The following TM9SF2 variants were observed in gnomAD, a reference collection of about 807,000 sequenced individuals.
TM9SF2 encodes the protein 76 kDa membrane protein.
A neutral mutation model predicts 84.9 loss-of-function variants in TM9SF2; 13 were observed. That is an observed-to-expected ratio of 0.15 (90% CI 0.10 to 0.24). The LOEUF (loss-of-function observed/expected upper bound fraction) is 0.24, where lower values mean the gene tolerates loss of function less well. Among genes scored for constraint, TM9SF2 ranks in the 10% least tolerant of loss-of-function variants. TM9SF2 has a pLI of 1.00. For missense variants in TM9SF2, 562 were observed against 818.5 expected, an observed-to-expected ratio of 0.69 and a Z score of 3.82; for synonymous variants, 273 against 285.8, an observed-to-expected ratio of 0.96 and a Z score of 0.45.
At chr13:99,503,044 T>C (rs1441899918) in intron 1 of TM9SF2, among the ~76,000 whole-genome samples, 1 of 152,256 alleles carries the variant, frequency 6.6e-6, no homozygotes, top group African/African-American at 2.4e-5. Context: ...AGTGTTTCAG[T>C]ACTTAAGTTC....
At chr13:99,519,919 A>G (rs760979445) in intron 2 of TM9SF2, 117 bp from the exon 3 acceptor site, 35 of 749,386 alleles carry the variant, frequency 4.7e-5, no homozygotes, top group Non-Finnish European at 7.5e-5. Context: ...TAGATTTCTT[A>G]CTCATCTACT....
intron 1 of TM9SF2, among the ~76,000 whole-genome samples, chr13:99,511,031 C>T (rs1055908797): frequency 4.6e-5 from 7 of 152,172 alleles, no homozygotes; most frequent in African/African-American, 1.2e-4. Context: ...CTGAGATCAT[C>T]GTTCCTGCTC....
chr13:99,552,604 C>CATTG (rs2046309778), intron 13 of TM9SF2, among the ~76,000 whole-genome samples: 1 of 152,054 alleles, frequency 6.6e-6, no homozygotes, highest in African/African-American at 2.4e-5. Context: ...TTCATTCATT[C>CATTG]ATTCATTCAT....
intron 12 of TM9SF2, among the ~76,000 whole-genome samples, chr13:99,550,487 A>G (rs1399905731): frequency 6.6e-6 from 1 of 152,132 alleles, no homozygotes; most frequent in African/African-American, 2.4e-5. Context: ...TGGCTTCATA[A>G]AAATTATCCT....
chr13:99,544,353 AC>A lies in TM9SF2; in HGVS notation c.1150+359del, dbSNP rs67869814. Among the ~76,000 whole-genome samples the A allele has an allele frequency of 1.3e-3, 190 of 150,990 alleles. 5 individuals are homozygous for A. The highest frequency in any genetic ancestry group is 3.8e-3 in the African/African-American group (155 of 41,068). On this transcript the variant is annotated intron_variant, in intron 10 of 16. Coordinates refer to ENST00000376387, the MANE Select transcript of TM9SF2 (RefSeq NM_004800.3). ...GCAAGACTCCATCTCAAAAAAAAAA[AC>A]AAAAAACACCACAGTTTTTCTAAGT... is the stretch of plus-strand genomic sequence containing the variant.
chr13:99,508,442 C>T (rs1246391618), intron 1 of TM9SF2, among the ~76,000 whole-genome samples: 1 of 150,630 alleles, frequency 6.6e-6, no homozygotes, highest in Non-Finnish European at 1.5e-5. Context: ...CACACACACA[C>T]ACCCCAGAGA....
At position 99,539,517 on chromosome 13, in the gene TM9SF2, G is replaced by C; in HGVS notation, c.788G>C (p.Gly263Ala). The change falls in exon 7 of 17, where the codon GGG becomes GCG. Residue 263 changes from glycine to alanine, a missense_variant. Physicochemically the swap from Gly to Ala is moderately conservative, Grantham distance 60. Transcript: ENST00000376387. ...PPMDISNKAS[G>A]EIKIAYTYSV... ...ATGGACATAAGTAACAAGGCTTCTG[G>C]GGAGATAAAAATTGCCTATACTTAC... 12 of 1,613,740 alleles carry C rather than the reference G, an allele frequency of 7.4e-6. No homozygotes were observed. Among genetic ancestry groups the C allele is most frequent in the Non-Finnish European group, 1.0e-5 (12 of 1,179,712 alleles).
At chr13:99,559,310 A>G in intron 15 of TM9SF2, 53 bp from the exon 16 acceptor site, 2 of 1,469,640 alleles carry the variant, frequency 1.4e-6, no homozygotes, top group East Asian at 4.7e-5. Context: ...AGTAAGCTAC[A>G]TCTTATCTAT....
intron 3 of TM9SF2, among the ~76,000 whole-genome samples, chr13:99,526,443 A>AG (rs2046183919): frequency 1.3e-5 from 2 of 152,212 alleles, no homozygotes; most frequent in Admixed American, 6.5e-5. Context: ...GAGCTTGCAC[A>AG]GGGGGCATGT....
At chr13:99,538,468 C>A (rs2046244087) in intron 6 of TM9SF2, among the ~76,000 whole-genome samples, 1 of 151,568 alleles carries the variant, frequency 6.6e-6, no homozygotes, top group Non-Finnish European at 1.5e-5. Context: ...AATAAGATGG[C>A]AGTTAAACTT....
intron 1 of TM9SF2, among the ~76,000 whole-genome samples, chr13:99,511,332 C>T (rs2046112910): frequency 6.6e-6 from 1 of 152,132 alleles, no homozygotes; most frequent in Non-Finnish European, 1.5e-5. Flanking sequence ...CTGTGGCATA[C>T]TTTCACATGG....
In TM9SF2 at chr13:99,554,387, T is replaced by C; in HGVS notation, c.1572T>C (p.Ile524=). ...TCTACACGAAGCCCTTGCCTGGTAT[T>C]ATCATGGGAGGGATTTTGCCCTTTG... ...QSFYTKPLPG[I]IMGGILPFGC... Residue 524 remains isoleucine (I), a synonymous_variant, in exon 14 of 17, where the codon ATT becomes ATC. Transcript: ENST00000376387. 3 of 1,614,218 alleles carry C rather than the reference T, an allele frequency of 1.9e-6. No homozygotes were observed. Among genetic ancestry groups the C allele is most frequent in the Non-Finnish European group, 2.5e-6 (3 of 1,180,022 alleles).
chr13:99,506,779 C>T (rs555277288), intron 1 of TM9SF2, among the ~76,000 whole-genome samples: 89 of 152,264 alleles, frequency 5.8e-4, no homozygotes, highest in Non-Finnish European at 9.9e-4. Flanking sequence ...AGACACACAT[C>T]GGCACTACAG....
chr13:99,522,159 T>TA (rs2046163734), intron 3 of TM9SF2, among the ~76,000 whole-genome samples: 1 of 152,182 alleles, frequency 6.6e-6, no homozygotes, highest in East Asian at 1.9e-4. Context: ...TAGCTGGAAT[T>TA]ACAGGCGTGT....
At chr13:99,526,467 G>A (rs2046184036) in intron 3 of TM9SF2, among the ~76,000 whole-genome samples, 1 of 152,222 alleles carries the variant, frequency 6.6e-6, no homozygotes, top group African/African-American at 2.4e-5. Flanking sequence ...GCCACAAAAG[G>A]AGTAAGAGAC....
chr13:99,518,717 C>G (rs1173240612), intron 2 of TM9SF2, among the ~76,000 whole-genome samples: 1 of 151,882 alleles, frequency 6.6e-6, no homozygotes, highest in Non-Finnish European at 1.5e-5. Context: ...TCATCTCAGC[C>G]TCCTGAATAG....
At chr13:99,527,791 G>T (rs896729599) in intron 3 of TM9SF2, among the ~76,000 whole-genome samples, 4 of 152,186 alleles carry the variant, frequency 2.6e-5, no homozygotes, top group African/African-American at 9.7e-5. Context: ...ATTTTCATCA[G>T]TCAGCATGCT....
At chr13:99,511,638 C>T (rs191078719) in intron 1 of TM9SF2, among the ~76,000 whole-genome samples, 80 of 152,230 alleles carry the variant, frequency 5.3e-4, no homozygotes, top group Non-Finnish European at 1.0e-4. Flanking sequence ...ATTTCAGATC[C>T]TCACAATTTA....
At chr13:99,555,456 A>G in intron 14 of TM9SF2, 80 bp from the exon 15 acceptor site, 1 of 1,094,076 alleles carries the variant, frequency 9.1e-7, no homozygotes, top group South Asian at 1.5e-5. Context: ...TTTTCAGTTC[A>G]AGAAGAATGA....
Sources: gnomAD v4.1 joint callset for allele counts (sites outside exome capture counted in the v4.1 genomes callset) on GRCh38, gnomAD v4.1.1 for gene constraint, MANE v1.5 for transcripts, NCBI Gene and HGNC (gene_info 2026-07-23, HGNC 2026-07-21) for gene names.